KIAA0232: variants seen among roughly 807,000 people sequenced by gnomAD.
The protein encoded by KIAA0232 is KIAA0232.
KIAA0232 carries 27 observed loss-of-function variants against 122.0 expected under a neutral mutation model. The ratio of observed to expected loss-of-function variants is 0.22; its 90% confidence interval spans 0.16 to 0.31. KIAA0232 has a LOEUF of 0.31. KIAA0232 is among the 10% of genes least tolerant of loss of function. KIAA0232 has a pLI of 1.00. For missense variants in KIAA0232, 1,551 were observed against 1,634.2 expected, an observed-to-expected ratio of 0.95 and a Z score of 0.88; for synonymous variants, 613 against 587.6, an observed-to-expected ratio of 1.04 and a Z score of -0.63.
intron 1 of KIAA0232, among the ~76,000 whole-genome samples, chr4:6,794,374 T>G (rs967756457): frequency 2.0e-5 from 3 of 152,220 alleles, no homozygotes; most frequent in Admixed American, 2.0e-4. Context: ...TGTAGCAACT[T>G]GAGGCTGTCA....
At chr4:6,854,440 A>G (rs1720466191) in intron 4 of KIAA0232, among the ~76,000 whole-genome samples, 1 of 152,192 alleles carries the variant, frequency 6.6e-6, no homozygotes, top group Admixed American at 6.5e-5. Context: ...AGTGATTATC[A>G]TGTAAATCTC....
chr4:6,802,211 T>C (rs1717413881), intron 1 of KIAA0232, among the ~76,000 whole-genome samples: 1 of 152,200 alleles, frequency 6.6e-6, no homozygotes, highest in African/African-American at 2.4e-5. Flanking sequence ...CCCATTAGAA[T>C]AGCCCGTGGG....
Position 6,881,537 on chromosome 4 carries a change from C to G in KIAA0232, c.*571C>G, listed in dbSNP as rs1191991000. ...CCGCAGAGGTGTGCTTTTCAAGACT[C>G]ACCAAATACTGTGTTTTCTCTCTTA... On this transcript the variant is annotated 3_prime_UTR_variant, in exon 10 of 10. Transcript: ENST00000307659. 6.6e-6 allele frequency: 1 copy of G among 152,646 alleles called. No homozygotes were observed. The highest frequency in any genetic ancestry group is 2.4e-5 in the African/African-American group (1 of 41,450). 9.5% of individuals were successfully genotyped at this position (152,646 alleles called of 1,614,324 possible).
intron 7 of KIAA0232, among the ~76,000 whole-genome samples, chr4:6,869,304 A>C (rs972991542): frequency 6.6e-6 from 1 of 152,232 alleles, no homozygotes; most frequent in Non-Finnish European, 1.5e-5. Context: ...TTCTTTCTCA[A>C]ATAAGAACCT....
intron 4 of KIAA0232, among the ~76,000 whole-genome samples, chr4:6,849,810 C>G (rs1255707204): frequency 1.3e-5 from 2 of 151,572 alleles, no homozygotes; most frequent in Non-Finnish European, 2.9e-5. Context: ...GGAAAAGGAA[C>G]CTAAGGAAGG....
chr4:6,814,624 A>G (rs1253932771), intron 2 of KIAA0232, among the ~76,000 whole-genome samples: 1 of 152,124 alleles, frequency 6.6e-6, no homozygotes, highest in Non-Finnish European at 1.5e-5. Flanking sequence ...GACTTGTGAG[A>G]GGTTGAAAGG....
intron 2 of KIAA0232, among the ~76,000 whole-genome samples, chr4:6,820,694 CT>C (rs1718383201): frequency 1.3e-5 from 2 of 151,960 alleles, no homozygotes; most frequent in African/African-American, 2.4e-5. Context: ...AAGCAATTGT[CT>C]TTTAAAGATA....
chr4:6,825,756 A>C (rs1268442366), intron 3 of KIAA0232, among the ~76,000 whole-genome samples: 2 of 152,184 alleles, frequency 1.3e-5, no homozygotes, highest in African/African-American at 4.8e-5. Flanking sequence ...AATTTCACAT[A>C]AAATCTTTTG....
intron 4 of KIAA0232, among the ~76,000 whole-genome samples, chr4:6,854,999 A>G (rs1447778275): frequency 2.0e-5 from 3 of 152,236 alleles, no homozygotes; most frequent in African/African-American, 7.2e-5. Flanking sequence ...ACAAAGGGTG[A>G]TGACAGCTTC....
chr4:6,866,574 G>A lies in KIAA0232; in HGVS notation c.3801+2391G>A, dbSNP rs989269932. On this transcript the variant is annotated intron_variant, in intron 7 of 9. Coordinates refer to ENST00000307659, the MANE Select transcript of KIAA0232 (RefSeq NM_014743.3). ...GGTGCTTTTAAGAGGATGTGCTTCC[G>A]GCCCTTTTCCTGAGTCAGTACAGTC... Among the ~76,000 whole-genome samples, 10 of 152,112 alleles carry A rather than the reference G, an allele frequency of 6.6e-5. No individual in the cohort carries two copies. The East Asian group carries it at 1.9e-3, about 29-fold the overall frequency.
chr4:6,791,288 T>C (rs1716881684), intron 1 of KIAA0232, among the ~76,000 whole-genome samples: 1 of 150,744 alleles, frequency 6.6e-6, no homozygotes, highest in South Asian at 2.1e-4. Context: ...TGCCAAAACA[T>C]TGGAATACAA....
intron 1 of KIAA0232, among the ~76,000 whole-genome samples, chr4:6,792,829 A>G (rs1481005101): frequency 2.6e-5 from 4 of 151,804 alleles, no homozygotes; most frequent in African/African-American, 9.7e-5. Context: ...AGCTGGGACC[A>G]CAGGTGCCCA....
chr4:6,843,258 G>A (rs1175919248), intron 4 of KIAA0232, among the ~76,000 whole-genome samples: 1 of 152,144 alleles, frequency 6.6e-6, no homozygotes, highest in Non-Finnish European at 1.5e-5. Context: ...GAGAAGGTAT[G>A]GTTTAAGTAC....
rs1274158855 is a variant in KIAA0232 at position 6,883,355 on chromosome 4, A to G, written c.*2389A>G. On this transcript the variant is annotated 3_prime_UTR_variant, in exon 10 of 10. Coordinates refer to ENST00000307659, the MANE Select transcript of KIAA0232 (RefSeq NM_014743.3). ...TTCTTGTGGAGTTAACACCAAATAA[A>G]AATTGTAAAAAACAGTTTGTTGTTT... 1 of 152,656 alleles carries G rather than the reference A, an allele frequency of 6.6e-6. No individual in the cohort carries two copies. Among genetic ancestry groups the G allele is most frequent in the East Asian group, 1.9e-4 (1 of 5,204 alleles). The allele number at this position is 152,656 out of a possible 1,614,324, so 9.5% of individuals were successfully genotyped here. A position where few individuals can be genotyped will look rare whatever the true frequency, so the allele number is the denominator to read the frequency against.
rs1211053991 is a variant in KIAA0232, at chr4:6,881,370, A to AT, written c.*407dup. 3.3e-5 allele frequency: 5 copies of AT among 153,584 alleles called. No homozygotes were observed. Among genetic ancestry groups the AT allele is most frequent in the African/African-American group, 1.2e-4 (5 of 41,522 alleles). 9.5% of individuals were successfully genotyped at this position (153,584 alleles called of 1,614,324 possible). A position where few individuals can be genotyped will look rare whatever the true frequency, so the allele number is the denominator to read the frequency against. On this transcript the variant is annotated 3_prime_UTR_variant, in exon 10 of 10. Coordinates refer to ENST00000307659, the MANE Select transcript of KIAA0232 (RefSeq NM_014743.3). ...TCTTCAGAGACTTCAGCTTTGGAGC[A>AT]TTTAGGCTTTGTTCTCCAAGAACTG...
intron 8 of KIAA0232, 91 bp from the exon 9 acceptor site, chr4:6,876,569 A>G: frequency 1.1e-6 from 1 of 932,650 alleles, no homozygotes; most frequent in Non-Finnish European, 1.7e-6. Context: ...CTTTTTAGTG[A>G]AAAATGAAAC....
At chr4:6,864,396 A>G (rs1721054057) in intron 7 of KIAA0232, among the ~76,000 whole-genome samples, 1 of 152,200 alleles carries the variant, frequency 6.6e-6, no homozygotes, top group South Asian at 2.1e-4. Flanking sequence ...CTGGAGAGAA[A>G]AAGCTTTTAA....
chr4:6,866,077 G>GA, intron 7 of KIAA0232: 1 of 245,234 alleles, frequency 4.1e-6, no homozygotes, highest in East Asian at 1.8e-4. Context: ...TAATCCCATT[G>GA]AAACACTGCT....
In KIAA0232 at chr4:6,858,459, C is replaced by T; in HGVS notation, c.471C>T (p.Pro157=). ...EKIHKKLEGS[P]SPEAELSPPA... ...TTCACAAAAAGTTAGAGGGGTCTCCCTCTCCAGAGGCAGAATTATCCCCTC... is the reference window on the plus strand; with the variant it reads ...TTCACAAAAAGTTAGAGGGGTCTCCTTCTCCAGAGGCAGAATTATCCCCTC... Residue 157 remains proline (P), a synonymous_variant, in exon 6 of 10, where the codon CCC becomes CCT. Transcript: ENST00000307659. 6.2e-7 allele frequency: 1 copy of T among 1,607,908 alleles called. No homozygotes were observed. The highest frequency in any genetic ancestry group is 8.5e-7 in the Non-Finnish European group (1 of 1,177,342).
Sources: gnomAD v4.1 joint callset for allele counts (sites outside exome capture counted in the v4.1 genomes callset) on GRCh38, gnomAD v4.1.1 for gene constraint, MANE v1.5 for transcripts, NCBI Gene and HGNC (gene_info 2026-07-23, HGNC 2026-07-21) for gene names.